FLT1: variants seen among roughly 807,000 people sequenced by gnomAD.
The protein encoded by FLT1 is vascular endothelial growth factor receptor 1.
A neutral mutation model predicts 156.3 loss-of-function variants in FLT1; 49 were observed. The ratio of observed to expected loss-of-function variants is 0.31; its 90% CI spans 0.25 to 0.40. FLT1 has a LOEUF of 0.40. FLT1 is among the 10% of genes least tolerant of loss of function. The pLI is 1.00. For missense variants in FLT1, 1,322 were observed against 1,637.2 expected, an observed-to-expected ratio of 0.81 and a Z score of 3.32; for synonymous variants, 594 against 583.8, an observed-to-expected ratio of 1.02 and a Z score of -0.25.
chr13:28,347,117 C>G (rs528335125), intron 15 of FLT1, among the ~76,000 whole-genome samples: 113 of 152,232 alleles, frequency 7.4e-4, no homozygotes, highest in African/African-American at 2.6e-3. Flanking sequence ...ATACTACTAT[C>G]TAATAGTAAT....
chr13:28,473,121 G>A (rs912798458), intron 1 of FLT1, among the ~76,000 whole-genome samples: 5 of 152,034 alleles, frequency 3.3e-5, no homozygotes, highest in African/African-American at 1.2e-4. Context: ...GTGAGAATGT[G>A]GAGAAACTGG....
intron 1 of FLT1, among the ~76,000 whole-genome samples, chr13:28,490,311 C>G (rs530013992): frequency 6.6e-6 from 1 of 152,322 alleles, no homozygotes; most frequent in African/African-American, 2.4e-5. Context: ...CCAGCTTTAC[C>G]AAGATGGATG....
At position 28,414,742 on chromosome 13, in the gene FLT1, C is replaced by T. The variant is rs566852694; in HGVS notation, c.1437-8848G>A. Among the ~76,000 whole-genome samples, 15 of 152,250 alleles carry T rather than the reference C, an allele frequency of 9.9e-5. No individual in the cohort carries two copies. The East Asian group carries it at 2.9e-3, about 29-fold the overall frequency. The stretch of plus-strand genomic sequence containing the variant: ...CACTTGTCTTTTGCTCAGTTAACTC[C>T]CTGATGAAAGAGTGGATCCTGCCAA... On this transcript the variant is annotated intron_variant, in intron 10 of 29. Coordinates refer to ENST00000282397, the MANE Select transcript of FLT1 (RefSeq NM_002019.4).
chr13:28,484,485 T>C (rs1476859376), intron 1 of FLT1, among the ~76,000 whole-genome samples: 3 of 152,186 alleles, frequency 2.0e-5, no homozygotes, highest in Admixed American at 6.5e-5. Context: ...TGGGGCTCCT[T>C]TTCTGACTAA....
intron 1 of FLT1, among the ~76,000 whole-genome samples, chr13:28,481,873 A>G (rs1880872405): frequency 6.6e-6 from 1 of 152,262 alleles, no homozygotes; most frequent in African/African-American, 2.4e-5. Context: ...AGTAAAACTC[A>G]GTTAAATTCA....
At chr13:28,318,748 T>C (rs1247268573) in intron 24 of FLT1, among the ~76,000 whole-genome samples, 1 of 152,194 alleles carries the variant, frequency 6.6e-6, no homozygotes, top group Non-Finnish European at 1.5e-5. Flanking sequence ...CCCAAAAGAC[T>C]CTTGGCGAGA....
At chr13:28,306,609 C>T (rs1216781852) in intron 29 of FLT1, 69 bp downstream of exon 29, 14 of 1,088,996 alleles carry the variant, frequency 1.3e-5, no homozygotes, top group Non-Finnish European at 1.8e-5. Flanking sequence ...CTCATTATAC[C>T]ACCTTCCCCC....
chr13:28,407,511 A>T (rs1875884315), intron 10 of FLT1, among the ~76,000 whole-genome samples: 1 of 152,220 alleles, frequency 6.6e-6, no homozygotes, highest in Non-Finnish European at 1.5e-5. Flanking sequence ...TCTCTAAAAA[A>T]TGAGCAAATT....
rs976686597 is a variant in FLT1 at position 28,481,370 on chromosome 13, C to A, written c.64+13410G>T. Reference sequence around the variant, plus strand: ...TAGAAGATAACCCAAATGGAAGGAACAGAATATTGCCTGTGTATTGGGAGA... The same window carrying A: ...TAGAAGATAACCCAAATGGAAGGAAAAGAATATTGCCTGTGTATTGGGAGA... On this transcript the variant is annotated intron_variant, in intron 1 of 29. Transcript: ENST00000282397. Among the ~76,000 whole-genome samples the A allele has an allele frequency of 3.3e-5, 5 of 151,924 alleles. No homozygotes were observed. The South Asian group carries it at 1.0e-3, about 32-fold the overall frequency.
intron 14 of FLT1, among the ~76,000 whole-genome samples, chr13:28,374,253 A>C (rs757396550): frequency 5.3e-5 from 8 of 151,982 alleles, no homozygotes; most frequent in Non-Finnish European, 1.0e-4. Flanking sequence ...CCATCTCTAC[A>C]AAAGAAAAAA....
At chr13:28,371,396 C>A (rs1423888213) in intron 14 of FLT1, among the ~76,000 whole-genome samples, 1 of 152,156 alleles carries the variant, frequency 6.6e-6, no homozygotes, top group Non-Finnish European at 1.5e-5. Flanking sequence ...ATGATGAAGT[C>A]TCTCGCTGTC....
rs145061806 is a variant in FLT1, at chr13:28,432,427, T to C, written c.814-1117A>G. Reference sequence around the variant, plus strand: ...GAACTAGTCCCCTAACGTAACAGACTGAGGGAGCTTTCTGCAGCTCTATTT... The same window carrying C: ...GAACTAGTCCCCTAACGTAACAGACCGAGGGAGCTTTCTGCAGCTCTATTT... On this transcript the variant is annotated intron_variant, in intron 6 of 29. Transcript: ENST00000282397. Among the ~76,000 whole-genome samples the C allele has an allele frequency of 7.9e-5, 12 of 152,328 alleles. No homozygotes were observed. In the East Asian group the frequency reaches 2.1e-3, roughly 27 times the overall value.
intron 10 of FLT1, among the ~76,000 whole-genome samples, chr13:28,406,922 T>C (rs1340756189): frequency 1.3e-5 from 2 of 152,156 alleles, no homozygotes; most frequent in African/African-American, 2.4e-5. Context: ...GAAGGGAATG[T>C]GGTCAGAAAA....
intron 11 of FLT1, among the ~76,000 whole-genome samples, chr13:28,397,749 CGTGTGTGTGTGTGTGTGTGTGT>C (rs35710786): frequency 7.7e-6 from 1 of 129,800 alleles, no homozygotes; most frequent in African/African-American, 2.8e-5. Flanking sequence ...TGAAGGAGAC[CGTGTGTGTGTGTGTGTGTGTGT>C]GTGTGTGTGT....
intron 10 of FLT1, among the ~76,000 whole-genome samples, chr13:28,420,898 A>G (rs1210279633): frequency 6.6e-6 from 1 of 152,082 alleles, no homozygotes; most frequent in Non-Finnish European, 1.5e-5. Flanking sequence ...GCTGACGTAA[A>G]CAATAGAGAA....
Position 28,467,012 on chromosome 13 carries a change from G to T in FLT1, c.279C>A (p.Thr93=). ...RNGKQFCSTL[T]LNTAQANHTG... Reference sequence around the variant, plus strand: ...TGTGGTTTGCTTGAGCTGTGTTCAAGGTTAAAGTACTGCAGAATTGTTTGC... The same window carrying T: ...TGTGGTTTGCTTGAGCTGTGTTCAATGTTAAAGTACTGCAGAATTGTTTGC... Residue 93 remains threonine (T), a synonymous_variant, in exon 3 of 30, where the codon ACC becomes ACA. Coordinates refer to ENST00000282397, the MANE Select transcript of FLT1 (RefSeq NM_002019.4). The T allele has an allele frequency of 6.2e-7, 1 of 1,614,098 alleles. No individual in the cohort carries two copies. The highest frequency in any genetic ancestry group is 8.5e-7 in the Non-Finnish European group (1 of 1,179,962).
chr13:28,389,707 T>C (rs1458264267), intron 13 of FLT1, 89 bp downstream of exon 13: 5 of 1,602,594 alleles, frequency 3.1e-6, no homozygotes, highest in Middle Eastern at 1.7e-4. Flanking sequence ...TCCTTTAATG[T>C]TTTACATTAC....
At chr13:28,469,749 TTTTTA>T (rs1315908161) in intron 1 of FLT1, among the ~76,000 whole-genome samples, 4 of 152,170 alleles carry the variant, frequency 2.6e-5, no homozygotes, top group Admixed American at 6.5e-5. Context: ...ATCTTTTAAA[TTTTTA>T]TTTTATTTTA....
rs558670363 is a variant in FLT1, at chr13:28,332,512, C to G, written c.2593+1513G>C. ...ATCTCTAGGTTGGATACTGGATTGC[C>G]TCCATAAACTAGGCCAGGATCATCT... On this transcript the variant is annotated intron_variant, in intron 18 of 29. Coordinates refer to ENST00000282397, the MANE Select transcript of FLT1 (RefSeq NM_002019.4). 2.0e-5 allele frequency among the ~76,000 whole-genome samples: 3 copies of G among 152,244 alleles called. No homozygotes were observed. In the South Asian group the frequency reaches 6.2e-4, roughly 32 times the overall value.
Sources: allele counts gnomAD v4.1 joint callset (sites outside exome capture counted in the v4.1 genomes callset), GRCh38; gene constraint gnomAD v4.1.1; transcripts MANE v1.5; gene names NCBI Gene and HGNC (gene_info 2026-07-23, HGNC 2026-07-21).